Variants in ELMOD1 observed in about 807,000 individuals in gnomAD.
The protein encoded by ELMOD1 is ELMO domain-containing protein 1.
A neutral mutation model predicts 46.7 loss-of-function variants in ELMOD1; 21 were observed. The ratio of observed to expected loss-of-function variants is 0.45; its 90% CI spans 0.32 to 0.65. The LOEUF (loss-of-function observed/expected upper bound fraction) is 0.65, where lower values mean the gene tolerates loss of function less well. Among genes scored for constraint, ELMOD1 ranks in the 30% least tolerant of loss-of-function variants. The probability of loss-of-function intolerance (pLI) is 0.04; values close to 1 mark genes in which losing one functional copy is unlikely to be tolerated. For missense variants in ELMOD1, 348 were observed against 407.8 expected (o/e 0.85, Z 1.26); for synonymous variants, 122 against 138.2 (o/e 0.88, Z 0.82).
chr11:107,665,089 T>G lies in ELMOD1; in HGVS notation c.897T>G (p.Phe299Leu). 2 of 1,613,974 alleles carry G rather than the reference T, an allele frequency of 1.2e-6. No individual in the cohort carries two copies. Among genetic ancestry groups the G allele is most frequent in the South Asian group, 2.2e-5 (2 of 91,080 alleles). Residue 299 changes from phenylalanine to leucine, a missense_variant, in exon 12 of 12, where the codon TTT (phenylalanine) becomes TTG (leucine). Phe to Leu is a conservative substitution (Grantham distance 22). Transcript: ENST00000265840. ...AGGACCCCATGGACATAATGGAATTTAATCGTGTGAGGGAGAAATTCCGCA... is the reference window on the plus strand; with the variant it reads ...AGGACCCCATGGACATAATGGAATTGAATCGTGTGAGGGAGAAATTCCGCA... The part of the protein sequence containing the change: ...IEEDPMDIME[F>L]NRVREKFRKR...
chr11:107,652,019 G>A (rs1796958958), intron 9 of ELMOD1, among the ~76,000 whole-genome samples: 1 of 152,142 alleles, frequency 6.6e-6, no homozygotes, highest in African/African-American at 2.4e-5. Context: ...GCATATATGT[G>A]TAGTCATGTA....
chr11:107,646,312 T>C (rs1262311528), intron 6 of ELMOD1, among the ~76,000 whole-genome samples: 4 of 152,242 alleles, frequency 2.6e-5, no homozygotes, highest in Admixed American at 6.5e-5. Context: ...TTGATTTTAA[T>C]TGACATTACT....
At chr11:107,654,339 C>T (rs1866583629) in intron 10 of ELMOD1, 117 bp downstream of exon 10, 1 of 897,264 alleles carries the variant, frequency 1.1e-6, no homozygotes, top group Admixed American at 2.4e-5. Context: ...AATATACAAT[C>T]TGGTTAAAAT....
At chr11:107,596,327 T>C (rs1420451135) in intron 1 of ELMOD1, among the ~76,000 whole-genome samples, 2 of 152,114 alleles carry the variant, frequency 1.3e-5, no homozygotes, top group Non-Finnish European at 2.9e-5. Context: ...GAAACTCTGT[T>C]CCCTAAATCT....
intron 2 of ELMOD1, among the ~76,000 whole-genome samples, chr11:107,624,208 A>G (rs776730409): frequency 8.5e-5 from 13 of 152,170 alleles, no homozygotes; most frequent in Admixed American, 4.6e-4. Flanking sequence ...AAATATTTTT[A>G]TTTACCAATA....
intron 2 of ELMOD1, among the ~76,000 whole-genome samples, chr11:107,630,022 C>T (rs1209585017): frequency 6.6e-6 from 1 of 152,124 alleles, no homozygotes; most frequent in Non-Finnish European, 1.5e-5. Flanking sequence ...AGAGGCTGTT[C>T]ATGGAGGCAA....
intron 1 of ELMOD1, among the ~76,000 whole-genome samples, chr11:107,608,797 C>T (rs1865730028): frequency 6.6e-6 from 1 of 152,146 alleles, no homozygotes; most frequent in Non-Finnish European, 1.5e-5. Flanking sequence ...GGGAGTCCTC[C>T]AGGTAGCTCC....
At chr11:107,614,227 A>G (rs1426454343) in intron 1 of ELMOD1, among the ~76,000 whole-genome samples, 1 of 152,202 alleles carries the variant, frequency 6.6e-6, no homozygotes. Context: ...CCTGCCATTA[A>G]TATCTTTGCC....
intron 6 of ELMOD1, chr11:107,643,685 C>CATAT: frequency 1.9e-6 from 1 of 517,464 alleles, no homozygotes. Flanking sequence ...TTCATACTTC[C>CATAT]ATATACCTGC....
At chr11:107,614,829 C>A (rs1865834318) in intron 1 of ELMOD1, among the ~76,000 whole-genome samples, 1 of 152,174 alleles carries the variant, frequency 6.6e-6, no homozygotes, top group South Asian at 2.1e-4. Context: ...GAGCACCACA[C>A]TAAGTCATGT....
At chr11:107,593,927 C>T (rs1865448377) in intron 1 of ELMOD1, among the ~76,000 whole-genome samples, 2 of 152,220 alleles carry the variant, frequency 1.3e-5, no homozygotes, top group Admixed American at 1.3e-4. Context: ...GGGACAAGCT[C>T]AGTTCTGGTT....
intron 1 of ELMOD1, chr11:107,592,096 T>C (rs1865409462): frequency 2.6e-6 from 1 of 390,104 alleles, no homozygotes; most frequent in Non-Finnish European, 5.3e-6. Flanking sequence ...TGAGCTGTTG[T>C]GGGTGCTTTT....
chr11:107,604,069 A>G (rs10890742), intron 1 of ELMOD1, among the ~76,000 whole-genome samples: 54,375 of 151,000 alleles, frequency 0.36, 10,460 homozygotes, highest in East Asian at 0.52. Context: ...GGAGTAGAGC[A>G]TACGCTGCCT....
At chr11:107,639,659 TCA>T (rs771541040) in intron 6 of ELMOD1, among the ~76,000 whole-genome samples, 1 of 152,152 alleles carries the variant, frequency 6.6e-6, no homozygotes, top group Non-Finnish European at 1.5e-5. Context: ...AAGCTTCAGT[TCA>T]CAGTGAAGAG....
chr11:107,609,318 AT>A (rs1485733481), intron 1 of ELMOD1, among the ~76,000 whole-genome samples: 2 of 152,252 alleles, frequency 1.3e-5, no homozygotes, highest in Non-Finnish European at 2.9e-5. Flanking sequence ...TAGGAAGATT[AT>A]AAAAATGAAA....
chr11:107,665,206 G>A lies in ELMOD1; in HGVS notation c.*9G>A, dbSNP rs960729487. On this transcript the variant is annotated 3_prime_UTR_variant, in exon 12 of 12. Transcript: ENST00000265840. ...GTTTAATCAACATGTAGTTGCCCAC[G>A]CCGGTTTTAATGGATACCCTGGAAC... The A allele has an allele frequency of 3.0e-5, 49 of 1,612,852 alleles. No homozygotes were observed. The highest frequency in any genetic ancestry group is 4.5e-5 in the East Asian group (2 of 44,882).
intron 2 of ELMOD1, 132 bp from the exon 3 acceptor site, chr11:107,630,281 TAGAA>T: frequency 4.2e-6 from 3 of 708,676 alleles, no homozygotes; most frequent in Non-Finnish European, 6.7e-6. Context: ...AGCATGGGAC[TAGAA>T]ACATATGTTA....
chr11:107,630,463 C>T lies in ELMOD1; in HGVS notation c.64C>T (p.Arg22Cys), dbSNP rs201382091. The T allele has an allele frequency of 8.0e-5, 128 of 1,604,758 alleles. No homozygotes were observed. Among genetic ancestry groups the T allele is most frequent in the Non-Finnish European group, 1.0e-4 (117 of 1,175,364 alleles). ...GTATTTTTACTGTAAATTTCTGTGG[C>T]GCTGCCTGAAATTTGTAATGAGGAA... ...CLYFYCKFLWRCLKFVMRKLT... is the reference protein window; with the variant it reads ...CLYFYCKFLWCCLKFVMRKLT... The change falls in exon 3 of 12, where the codon CGC becomes TGC. Residue 22 changes from arginine to cysteine, a missense_variant. Arg to Cys is a radical substitution (Grantham distance 180). Coordinates refer to ENST00000265840, the MANE Select transcript of ELMOD1 (RefSeq NM_018712.4).
At position 107,656,130 on chromosome 11, in the gene ELMOD1, G is replaced by A. The variant is rs971309903; in HGVS notation, c.832+64G>A. The A allele has an allele frequency of 6.6e-6, 10 of 1,518,264 alleles. No homozygotes were observed. The Admixed American group carries it at 2.0e-4, about 30-fold the overall frequency. 94.0% of individuals were successfully genotyped at this position (1,518,264 alleles called of 1,614,324 possible). A position where few individuals can be genotyped will look rare whatever the true frequency, so the allele number is the denominator to read the frequency against. On this transcript the variant is annotated intron_variant, in intron 11 of 11. Coordinates refer to ENST00000265840, the MANE Select transcript of ELMOD1 (RefSeq NM_018712.4). Reference sequence around the variant, plus strand: ...ACGCTGGGCACGGTGGCTCACCCCTGTAATCCCAGCACTTTGGGAGGCCAA... The same window carrying A: ...ACGCTGGGCACGGTGGCTCACCCCTATAATCCCAGCACTTTGGGAGGCCAA...
Sources: gnomAD v4.1 joint callset for allele counts (sites outside exome capture counted in the v4.1 genomes callset) on GRCh38, gnomAD v4.1.1 for gene constraint, MANE v1.5 for transcripts, NCBI Gene and HGNC (gene_info 2026-07-23, HGNC 2026-07-21) for gene names.